SPATA24: variants seen among roughly 807,000 people sequenced by gnomAD.
The protein encoded by SPATA24 is spermatogenesis-associated protein 24.
Under a neutral mutation model 28.9 loss-of-function variants are expected in SPATA24, and 21 were observed. That is an observed-to-expected ratio of 0.73 (90% confidence interval 0.52 to 1.05). The LOEUF is 1.05. Ranked by LOEUF, SPATA24 falls within the 50% of genes least tolerant of loss-of-function variation. The pLI is 0.00. For missense variants in SPATA24, 215 were observed against 242.9 expected (o/e 0.88, Z 0.76); for synonymous variants, 76 against 89.9 (o/e 0.85, Z 0.88).
At chr5:139,392,751 G>T, downstream of SPATA24, 1 of 1,436,710 alleles carries the variant, frequency 7.0e-7, no homozygotes, top group East Asian at 2.7e-5. The surrounding 1 kb of genome is among the most constrained non-coding windows in gnomAD (Gnocchi z 5.8). Flanking sequence ...CGCCTAGAGG[G>T]CTGGTCCGAC....
intron 1 of SPATA24, 77 bp downstream of exon 1, chr5:139,403,867 T>A (rs1244841959): frequency 7.9e-7 from 1 of 1,263,996 alleles, no homozygotes; most frequent in East Asian, 2.5e-5. Context: ...GGCCCCCGCA[T>A]CGGAACAGGT....
chr5:139,398,863 A>G (rs1758766196), intron 4 of SPATA24, among the ~76,000 whole-genome samples: 1 of 112,656 alleles, frequency 8.9e-6, no homozygotes, highest in Admixed American at 8.6e-5. Flanking sequence ...GTCTCTACTA[A>G]AAATACAAAA....
chr5:139,402,590 CGG>C (rs1469444445), intron 2 of SPATA24, 36 bp downstream of exon 2: 2 of 1,533,106 alleles, frequency 1.3e-6, no homozygotes, highest in East Asian at 4.9e-5. Flanking sequence ...TCCTGGGAAA[CGG>C]GGGAAGATTA....
At chr5:139,394,049 G>C, downstream of SPATA24, 1 of 1,550,866 alleles carries the variant, frequency 6.4e-7, no homozygotes, top group Non-Finnish European at 8.7e-7. Context: ...TCCTCTGACT[G>C]AAGGAAGATG....
chr5:139,393,365 G>T (rs1758633702), downstream of SPATA24: 1 of 1,551,570 alleles, frequency 6.4e-7, no homozygotes, highest in Middle Eastern at 1.7e-4. Flanking sequence ...CCAAAGGCAA[G>T]ATCTGAAATT....
At chr5:139,403,298 A>C (rs185655837) in intron 1 of SPATA24, among the ~76,000 whole-genome samples, 2 of 152,346 alleles carry the variant, frequency 1.3e-5, no homozygotes, top group East Asian at 3.9e-4. Context: ...ACTTAGAATG[A>C]GAAGTAGATG....
intron 4 of SPATA24, 133 bp downstream of exon 4, chr5:139,401,622 C>T (rs1758822759): frequency 2.0e-6 from 2 of 1,010,540 alleles, no homozygotes; most frequent in Non-Finnish European, 3.0e-6. Flanking sequence ...AAGGTGTGGC[C>T]CACCCGGGCC....
chr5:139,393,032 T>C (rs2152076610), downstream of SPATA24: 2 of 1,526,190 alleles, frequency 1.3e-6, no homozygotes, highest in South Asian at 1.2e-5. Context: ...AAATCCTTGA[T>C]GAAAACGGAA....
Position 139,402,050 on chromosome 5 carries a change from A to G in SPATA24, c.184-5T>C. On this transcript the variant is annotated splice_polypyrimidine_tract_variant and splice_region_variant and intron_variant, in intron 2 of 5. Transcript: ENST00000450845. ...GGCATGGGCAGCTTTCTCTTCCTGC[A>G]GGGGCAGCAGCAGTCACCTCATTAC... The G allele has an allele frequency of 1.3e-6, 2 of 1,550,642 alleles. No individual in the cohort carries two copies. The highest frequency in any genetic ancestry group is 1.7e-6 in the Non-Finnish European group (2 of 1,146,792).
At chr5:139,396,447 C>T (rs1159805022), downstream of SPATA24, 3 of 1,128,962 alleles carry the variant, frequency 2.7e-6, no homozygotes, top group Non-Finnish European at 3.3e-6. Context: ...AAACTGACTT[C>T]CCAAATTCCT....
At chr5:139,401,680 T>C (rs1465785344) in intron 4 of SPATA24, 75 bp downstream of exon 4, 1 of 1,447,446 alleles carries the variant, frequency 6.9e-7, no homozygotes, top group African/African-American at 1.4e-5. Context: ...AACCCTGCCT[T>C]TGACACAGGC....
downstream of SPATA24, chr5:139,396,389 G>A (rs1442320296): frequency 1.0e-6 from 1 of 985,330 alleles, no homozygotes; most frequent in Non-Finnish European, 1.2e-6. Flanking sequence ...GGAGGTGTCA[G>A]CAGGTGCAAA....
At chr5:139,393,595 G>C, downstream of SPATA24, 1 of 1,550,756 alleles carries the variant, frequency 6.4e-7, no homozygotes, top group Non-Finnish European at 8.7e-7. Flanking sequence ...CGGCGGGGAC[G>C]GGCTGCTACG....
downstream of SPATA24, chr5:139,395,019 G>A (rs1222781884): frequency 1.0e-5 from 15 of 1,455,168 alleles, no homozygotes; most frequent in African/African-American, 1.5e-5. Flanking sequence ...GGCGCCGCGC[G>A]GGGGCCGTGG....
At chr5:139,393,453 C>A (rs1245971295), downstream of SPATA24, 2 of 1,551,548 alleles carry the variant, frequency 1.3e-6, no homozygotes, top group Admixed American at 2.0e-5. Flanking sequence ...CCAACTCCTC[C>A]TGAGTTAACC....
intron 4 of SPATA24, among the ~76,000 whole-genome samples, chr5:139,398,404 T>A (rs1419526548): frequency 9.8e-5 from 14 of 142,886 alleles, no homozygotes; most frequent in African/African-American, 1.0e-4. Flanking sequence ...TCTACAAAAC[T>A]AAAAAAAAAA....
At chr5:139,393,923 C>T (rs1050025194), downstream of SPATA24, 6 of 1,550,866 alleles carry the variant, frequency 3.9e-6, no homozygotes, top group Admixed American at 3.9e-5. Flanking sequence ...GGCCTCACAG[C>T]CCTACTCGGA....
intron 4 of SPATA24, among the ~76,000 whole-genome samples, chr5:139,399,801 G>A (rs765430514): frequency 1.9e-4 from 29 of 152,152 alleles, no homozygotes; most frequent in Admixed American, 3.3e-4. Flanking sequence ...GAATATTCTG[G>A]GGGAGGCAGC....
chr5:139,401,362 C>T, intron 4 of SPATA24: 1 of 548,276 alleles, frequency 1.8e-6, no homozygotes, highest in Non-Finnish European at 3.2e-6. Flanking sequence ...TCACCACATG[C>T]ATCCTTCCCT....
Sources: gnomAD v4.1 joint callset for allele counts (sites outside exome capture counted in the v4.1 genomes callset) on GRCh38, gnomAD v4.1.1 for gene constraint, Gnocchi (gnomAD v3.1) non-coding constraint, MANE v1.5 for transcripts, NCBI Gene and HGNC (gene_info 2026-07-23, HGNC 2026-07-21) for gene names.